NAV2: variants seen among roughly 807,000 people sequenced by gnomAD.
The protein encoded by NAV2 is helicase, APC down-regulated 1.
Under a neutral mutation model 223.2 loss-of-function variants are expected in NAV2, and 54 were observed. The observed-to-expected ratio is 0.24, with a 90% CI of 0.19 to 0.30. The LOEUF is 0.30. Among genes scored for constraint, NAV2 ranks in the 10% least tolerant of loss-of-function variants. The pLI is 1.00. For synonymous variants in NAV2, 1,279 were observed against 1,239.3 expected, an observed-to-expected ratio of 1.03 and a Z score of -0.67; for missense variants, 2,806 against 3,147.5, an observed-to-expected ratio of 0.89 and a Z score of 2.60.
At chr11:19,637,455 A>T (rs567943692) in intron 1 of NAV2, among the ~76,000 whole-genome samples, 3 of 152,202 alleles carry the variant, frequency 2.0e-5, no homozygotes, top group African/African-American at 7.2e-5. Context: ...TGACACACAC[A>T]AGGTGGTTTG....
intron 11 of NAV2, among the ~76,000 whole-genome samples, chr11:20,007,435 C>T (rs189852554): frequency 9.3e-4 from 141 of 152,332 alleles, no homozygotes; most frequent in Non-Finnish European, 1.9e-3. Context: ...TTTGAGAGGA[C>T]CTTTGAGTGG....
At chr11:19,751,787 C>T (rs2053843546) in intron 1 of NAV2, among the ~76,000 whole-genome samples, 1 of 152,122 alleles carries the variant, frequency 6.6e-6, no homozygotes, top group Non-Finnish European at 1.5e-5. Flanking sequence ...TGGAGCTGTC[C>T]CTGTTCACTG....
intron 1 of NAV2, among the ~76,000 whole-genome samples, chr11:19,546,127 C>T (rs2044492051): frequency 6.6e-6 from 1 of 152,126 alleles, no homozygotes; most frequent in African/African-American, 2.4e-5. Context: ...GGAAACCACA[C>T]CAAACTGTGC....
intron 1 of NAV2, among the ~76,000 whole-genome samples, chr11:19,620,088 C>T (rs1167392703): frequency 1.3e-5 from 2 of 152,118 alleles, no homozygotes; most frequent in African/African-American, 4.8e-5. Context: ...GATATTATTT[C>T]TGAGGGCTCT....
chr11:19,823,438 C>G (rs1811296146), intron 1 of NAV2, among the ~76,000 whole-genome samples: 1 of 152,148 alleles, frequency 6.6e-6, no homozygotes, highest in South Asian at 2.1e-4. Context: ...AACCTCCTGA[C>G]CTCAGGTGAT....
intron 1 of NAV2, among the ~76,000 whole-genome samples, chr11:19,548,795 G>A (rs557015108): frequency 4.9e-4 from 73 of 149,896 alleles, no homozygotes; most frequent in Admixed American, 4.7e-4. Flanking sequence ...GGAGAATGGC[G>A]TGAACCCGGA....
chr11:20,039,705 C>A (rs868608131), intron 12 of NAV2, among the ~76,000 whole-genome samples: 1 of 152,224 alleles, frequency 6.6e-6, no homozygotes, highest in African/African-American at 2.4e-5. Context: ...GTGGAAGGCA[C>A]CATCCCAGGT....
chr11:20,048,916 A>T lies in NAV2; in HGVS notation c.4091A>T (p.Gln1364Leu). ...TACAGCAAGAATGTGGACCTCAACC[A>T]GTCTCCGCTAGCCTCCAGCCCCAGC... ...PLYSKNVDLN[Q>L]SPLASSPSSA... Residue 1364 changes from glutamine to leucine, a missense_variant, in exon 15 of 38, where the codon CAG becomes CTG. This residue lies in a region of NAV2 where 742 missense variants were observed against 777.9 expected (regional missense o/e 0.95). Transcript: ENST00000349880. 2 of 1,614,142 alleles carry T rather than the reference A, an allele frequency of 1.2e-6. No individual in the cohort carries two copies. The highest frequency in any genetic ancestry group is 2.2e-5 in the South Asian group (2 of 91,060).
At chr11:19,421,764 CTTTTTT>C (rs373669949) in intron 1 of NAV2, among the ~76,000 whole-genome samples, 4 of 84,546 alleles carry the variant, frequency 4.7e-5, no homozygotes, top group South Asian at 5.3e-4. Flanking sequence ...AAGAGAGAGG[CTTTTTT>C]TTTTTTTTTT....
At chr11:19,409,226 G>A (rs1850037667) in intron 1 of NAV2, among the ~76,000 whole-genome samples, 1 of 152,160 alleles carries the variant, frequency 6.6e-6, no homozygotes, top group Non-Finnish European at 1.5e-5. Flanking sequence ...TCTAAATGAT[G>A]CTTGAGGGTT....
intron 11 of NAV2, among the ~76,000 whole-genome samples, chr11:19,986,674 A>G (rs1186154307): frequency 6.6e-6 from 1 of 152,230 alleles, no homozygotes; most frequent in African/African-American, 2.4e-5. Flanking sequence ...GTTTTAAAGA[A>G]AGAACTCAGA....
chr11:19,876,476 A>T (rs2062838632), intron 4 of NAV2, among the ~76,000 whole-genome samples: 1 of 152,230 alleles, frequency 6.6e-6, no homozygotes, highest in Admixed American at 6.5e-5. Flanking sequence ...GACTGTAGAG[A>T]TTTAACCACA....
chr11:19,635,869 C>T (rs1480128211), intron 1 of NAV2, among the ~76,000 whole-genome samples: 1 of 152,172 alleles, frequency 6.6e-6, no homozygotes, highest in East Asian at 1.9e-4. Flanking sequence ...AACCATAGCA[C>T]AGGCCATCTT....
intron 4 of NAV2, among the ~76,000 whole-genome samples, chr11:19,871,224 C>G (rs2062469202): frequency 6.6e-6 from 1 of 152,164 alleles, no homozygotes; most frequent in African/African-American, 2.4e-5. Flanking sequence ...ACTCTGTAGT[C>G]ATCTTCAAGT....
At chr11:19,448,897 T>G (rs1397189935) in intron 1 of NAV2, among the ~76,000 whole-genome samples, 1 of 152,226 alleles carries the variant, frequency 6.6e-6, no homozygotes, top group Non-Finnish European at 1.5e-5. Context: ...AAAGTCAATG[T>G]GCTCTCTAAG....
chr11:19,376,603 A>T (rs1274003055), intron 1 of NAV2, among the ~76,000 whole-genome samples: 1 of 152,196 alleles, frequency 6.6e-6, no homozygotes, highest in Non-Finnish European at 1.5e-5. Context: ...CATTCAATCA[A>T]CTGTCTGTCT....
chr11:19,698,728 A>T (rs1439423347), intron 1 of NAV2, among the ~76,000 whole-genome samples: 1 of 151,606 alleles, frequency 6.6e-6, no homozygotes, highest in Non-Finnish European at 1.5e-5. Flanking sequence ...CCAAATCATG[A>T]CTCTCCATGG....
chr11:19,439,159 C>T (rs1851312840), intron 1 of NAV2, among the ~76,000 whole-genome samples: 1 of 152,104 alleles, frequency 6.6e-6, no homozygotes, highest in Non-Finnish European at 1.5e-5. Flanking sequence ...AAAAGATGCT[C>T]CTTTCACTCC....
intron 11 of NAV2, among the ~76,000 whole-genome samples, chr11:19,990,921 A>G (rs1749692227): frequency 7.7e-6 from 1 of 129,750 alleles, no homozygotes; most frequent in African/African-American, 2.5e-5. Context: ...CAAGGAAGCT[A>G]TAAAGAAAAG....
Sources: allele counts gnomAD v4.1 joint callset (sites outside exome capture counted in the v4.1 genomes callset), GRCh38; gene constraint gnomAD v4.1.1; regional missense constraint gnomAD v4.1.1; transcripts MANE v1.5; gene names NCBI Gene and HGNC (gene_info 2026-07-23, HGNC 2026-07-21).